C2CD5: variants seen among roughly 807,000 people sequenced by gnomAD.
C2CD5 encodes C2 calcium dependent domain containing 5.
A neutral mutation model predicts 130.3 loss-of-function variants in C2CD5; 109 were observed. The ratio of observed to expected loss-of-function variants is 0.84; its 90% CI spans 0.72 to 0.98. C2CD5 has a LOEUF of 0.98. Ranked by LOEUF, C2CD5 falls within the 50% of genes least tolerant of loss-of-function variation. The pLI, the probability that C2CD5 is intolerant of heterozygous loss-of-function variation, is 0.00. For missense variants in C2CD5, 996 were observed against 1,261.8 expected, an observed-to-expected ratio of 0.79 and a Z score of 3.19; for synonymous variants, 454 against 429.2, an observed-to-expected ratio of 1.06 and a Z score of -0.71.
chr12:22,475,096 A>G (rs992654284), intron 15 of C2CD5, among the ~76,000 whole-genome samples: 20 of 152,140 alleles, frequency 1.3e-4, no homozygotes, highest in African/African-American at 4.8e-4. Context: ...AAAAATATAT[A>G]TAACTGTCAC....
At chr12:22,478,503 T>A (rs1444412971) in intron 14 of C2CD5, 26 bp from the exon 15 acceptor site, 1 of 1,589,542 alleles carries the variant, frequency 6.3e-7, no homozygotes, top group South Asian at 1.1e-5. Context: ...GGGGAAATAA[T>A]CAGAAAAAAT....
chr12:22,531,785 G>A (rs1951301841), intron 3 of C2CD5, among the ~76,000 whole-genome samples: 2 of 152,290 alleles, frequency 1.3e-5, no homozygotes, highest in Non-Finnish European at 1.5e-5. Flanking sequence ...ATTCCACAGA[G>A]ATAATAAATA....
At chr12:22,466,462 C>A (rs760594553) in intron 22 of C2CD5, among the ~76,000 whole-genome samples, 1 of 152,050 alleles carries the variant, frequency 6.6e-6, no homozygotes, top group Non-Finnish European at 1.5e-5. Context: ...ACACTCTTAC[C>A]TTCCTCTCTT....
At chr12:22,470,374 A>AT (rs1942830727) in intron 21 of C2CD5, among the ~76,000 whole-genome samples, 1 of 152,120 alleles carries the variant, frequency 6.6e-6, no homozygotes, top group African/African-American at 2.4e-5. Flanking sequence ...TCTTCAGAAT[A>AT]TATATTAAGA....
intron 8 of C2CD5, among the ~76,000 whole-genome samples, chr12:22,516,408 T>C (rs933671497): frequency 5.3e-5 from 8 of 151,352 alleles, no homozygotes; most frequent in African/African-American, 1.9e-4. Flanking sequence ...TATTTAGAGG[T>C]AGCTTATAAA....
intron 8 of C2CD5, among the ~76,000 whole-genome samples, chr12:22,516,466 A>T (rs1036797535): frequency 6.6e-6 from 1 of 151,644 alleles, no homozygotes; most frequent in Non-Finnish European, 1.5e-5. Context: ...AAATTTTTTT[A>T]AACTAAAAAT....
At chr12:22,530,045 A>G (rs1304070946) in intron 3 of C2CD5, among the ~76,000 whole-genome samples, 1 of 146,854 alleles carries the variant, frequency 6.8e-6, no homozygotes, top group Non-Finnish European at 1.5e-5. Context: ...AGAGAAAAAC[A>G]TCTATTTTGC....
intron 6 of C2CD5, among the ~76,000 whole-genome samples, chr12:22,524,266 C>T (rs370544070): frequency 3.9e-5 from 6 of 152,180 alleles, no homozygotes; most frequent in African/African-American, 1.4e-4. Flanking sequence ...AACACAATTT[C>T]CTTTTACTAC....
intron 3 of C2CD5, among the ~76,000 whole-genome samples, chr12:22,529,621 A>T (rs1451093163): frequency 6.6e-6 from 1 of 152,208 alleles, no homozygotes; most frequent in Non-Finnish European, 1.5e-5. Context: ...TGGAATCGCA[A>T]AATATTATAA....
chr12:22,539,992 C>CAAAAAAAAAAAA (rs59902224), intron 2 of C2CD5, among the ~76,000 whole-genome samples: 1 of 90,788 alleles, frequency 1.1e-5, no homozygotes. Flanking sequence ...AGCTCCGTCT[C>CAAAAAAAAAAAA]AAAAAAAAAA....
At chr12:22,455,498 T>C (rs950182963) in intron 25 of C2CD5, among the ~76,000 whole-genome samples, 5 of 152,190 alleles carry the variant, frequency 3.3e-5, no homozygotes, top group African/African-American at 1.2e-4. Flanking sequence ...GTAATATCCA[T>C]GTGCTACCAA....
chr12:22,450,006 T>C (rs1212498127), intron 26 of C2CD5, 115 bp from the exon 27 acceptor site: 1 of 758,288 alleles, frequency 1.3e-6, no homozygotes, highest in African/African-American at 1.7e-5. Context: ...ATCATTAGGA[T>C]AAAGATAGGC....
intron 8 of C2CD5, among the ~76,000 whole-genome samples, chr12:22,516,309 G>C (rs1210075041): frequency 6.6e-6 from 1 of 151,600 alleles, no homozygotes; most frequent in Non-Finnish European, 1.5e-5. Flanking sequence ...GAGATATTTA[G>C]GGACTCATAA....
At chr12:22,463,044 A>G (rs1401435577) in intron 22 of C2CD5, among the ~76,000 whole-genome samples, 2 of 150,996 alleles carry the variant, frequency 1.3e-5, no homozygotes, top group East Asian at 3.9e-4. Context: ...AGATCGCAGC[A>G]CTGCACTCCA....
intron 12 of C2CD5, among the ~76,000 whole-genome samples, chr12:22,488,427 G>GT (rs1199178369): frequency 2.7e-5 from 4 of 150,258 alleles, no homozygotes; most frequent in East Asian, 1.9e-4. Flanking sequence ...CATTTTCCTT[G>GT]TTTTTTTCTT....
chr12:22,455,852 T>G (rs985215907), intron 25 of C2CD5, among the ~76,000 whole-genome samples: 1 of 152,026 alleles, frequency 6.6e-6, no homozygotes, highest in Admixed American at 6.6e-5. Context: ...GCCCGGCTAA[T>G]TTTTGTATTT....
In C2CD5 at chr12:22,525,601, T is replaced by C. The variant is rs767695837; in HGVS notation, c.445+9A>G. The C allele has an allele frequency of 1.6e-6, 2 of 1,261,986 alleles. No homozygotes were observed. Among genetic ancestry groups the C allele is most frequent in the African/African-American group, 1.5e-5 (1 of 68,058 alleles). 78.2% of individuals were successfully genotyped at this position (1,261,986 alleles called of 1,614,324 possible). Reference sequence around the variant, plus strand: ...ATTTCCTGTTGAGTAATAGAATGTATTTACTTACTGCAAAAGAATTTGACT... The same window carrying C: ...ATTTCCTGTTGAGTAATAGAATGTACTTACTTACTGCAAAAGAATTTGACT... On this transcript the variant is annotated intron_variant, in intron 5 of 26. Coordinates refer to ENST00000446597, the MANE Select transcript of C2CD5 (RefSeq NM_001286176.2).
At chr12:22,529,809 T>A (rs1386287135) in intron 3 of C2CD5, among the ~76,000 whole-genome samples, 3 of 151,974 alleles carry the variant, frequency 2.0e-5, no homozygotes, top group Non-Finnish European at 2.9e-5. Context: ...AACTGTTATG[T>A]TAACTCATCA....
At chr12:22,485,926 T>C (rs2136353347) in intron 12 of C2CD5, among the ~76,000 whole-genome samples, 1 of 152,238 alleles carries the variant, frequency 6.6e-6, no homozygotes, top group Middle Eastern at 3.4e-3. Flanking sequence ...TTTTTTTGAT[T>C]CATTTTAAAA....
Sources: gnomAD v4.1 joint callset for allele counts (sites outside exome capture counted in the v4.1 genomes callset) on GRCh38, gnomAD v4.1.1 for gene constraint, MANE v1.5 for transcripts, NCBI Gene and HGNC (gene_info 2026-07-23, HGNC 2026-07-21) for gene names.